The following MYO10 variants were observed in gnomAD, a reference collection of about 807,000 sequenced individuals.
The protein encoded by MYO10 is myosin X.
In MYO10, 133 loss-of-function variants were observed where a neutral mutation model predicts 257.3. The ratio of observed to expected loss-of-function variants is 0.52; its 90% CI spans 0.45 to 0.60. The LOEUF is 0.60. Ranked by LOEUF, MYO10 falls within the 20% of genes least tolerant of loss-of-function variation. The pLI is 0.00. For synonymous variants in MYO10, 1,104 were observed against 1,028.6 expected, an observed-to-expected ratio of 1.07 and a Z score of -1.40; for missense variants, 2,399 against 2,635.7, an observed-to-expected ratio of 0.91 and a Z score of 1.97.
At chr5:16,886,585 C>T (rs1012413792) in intron 1 of MYO10, among the ~76,000 whole-genome samples, 3 of 152,116 alleles carry the variant, frequency 2.0e-5, no homozygotes, top group Non-Finnish European at 4.4e-5. Flanking sequence ...TCAGCTACAT[C>T]ATCATCGTCA....
At chr5:16,919,911 G>C (rs984961900) in intron 1 of MYO10, among the ~76,000 whole-genome samples, 1 of 152,164 alleles carries the variant, frequency 6.6e-6, no homozygotes, top group Non-Finnish European at 1.5e-5. Flanking sequence ...AAGAGATCAA[G>C]ACCATCCTGG....
In MYO10 at chr5:16,689,887, C is replaced by T; in HGVS notation, c.3833G>A (p.Gly1278Glu). The change falls in exon 28 of 41, where the codon GGG becomes GAG. Residue 1278 changes from glycine (G) to glutamate (E), a missense_variant. Transcript: ENST00000513610. ...CCTATCGGCCATAATGATGTCGATCCCATTCTCCTTGGTGGTGTTATCTAT... is the reference window on the plus strand; with the variant it reads ...CCTATCGGCCATAATGATGTCGATCTCATTCTCCTTGGTGGTGTTATCTAT... ...EIIDNTTKENGIDIIMADRTF... is the reference protein window; with the variant it reads ...EIIDNTTKENEIDIIMADRTF... The T allele has an allele frequency of 2.5e-6, 4 of 1,613,536 alleles. No individual in the cohort carries two copies. Among genetic ancestry groups the T allele is most frequent in the Non-Finnish European group, 3.4e-6 (4 of 1,179,686 alleles).
chr5:16,813,230 G>C (rs1268387093), intron 3 of MYO10, among the ~76,000 whole-genome samples: 1 of 152,182 alleles, frequency 6.6e-6, no homozygotes, highest in African/African-American at 2.4e-5. Flanking sequence ...ACTCAAAGGA[G>C]AGTACCTGGC....
At chr5:16,763,628 T>C (rs754081640) in intron 13 of MYO10, 27 bp downstream of exon 13, 122 of 1,552,876 alleles carry the variant, frequency 7.9e-5, no homozygotes, top group Non-Finnish European at 1.0e-4. Context: ...AAAAAAAAAA[T>C]TGAAATGGAA....
At chr5:16,716,629 T>A (rs1218434705) in intron 19 of MYO10, among the ~76,000 whole-genome samples, 1 of 151,526 alleles carries the variant, frequency 6.6e-6, no homozygotes, top group Admixed American at 6.6e-5. Flanking sequence ...AGTTATAATG[T>A]TTTTCAGCAT....
At chr5:16,796,487 GAA>G (rs1212368261) in intron 3 of MYO10, among the ~76,000 whole-genome samples, 1 of 148,672 alleles carries the variant, frequency 6.7e-6, no homozygotes, top group Non-Finnish European at 1.5e-5. Flanking sequence ...AGAAAAGAAA[GAA>G]AGAAAGAAGG....
At chr5:16,666,933 A>AGCGGCTGCTTTGGTG in intron 40 of MYO10, 140 bp from the exon 41 acceptor site, 1 of 663,836 alleles carries the variant, frequency 1.5e-6, no homozygotes. Context: ...GCAGGAAGCC[A>AGCGGCTGCTTTGGTG]GAAGTTTAAC....
intron 1 of MYO10, among the ~76,000 whole-genome samples, chr5:16,904,169 C>T (rs911214528): frequency 2.0e-5 from 3 of 152,100 alleles, no homozygotes; most frequent in African/African-American, 4.8e-5. Context: ...AAGGACAGAG[C>T]TTCCGGACAG....
At chr5:16,927,559 C>T (rs1037188109) in intron 1 of MYO10, among the ~76,000 whole-genome samples, 4 of 152,078 alleles carry the variant, frequency 2.6e-5, no homozygotes, top group African/African-American at 9.7e-5. Context: ...CTCCTGACCT[C>T]GTGATCCTCC....
At position 16,701,346 on chromosome 5, in the gene MYO10, C is replaced by T; in HGVS notation, c.3049G>A (p.Asp1017Asn). 1 of 1,613,900 alleles carries T rather than the reference C, an allele frequency of 6.2e-7. No individual in the cohort carries two copies. Residue 1017 changes from aspartate (D) to asparagine (N), a missense_variant, in exon 25 of 41, where the codon GAC becomes AAC. By Grantham distance (23) the Asp-to-Asn change is conservative (BLOSUM62 1). Around this residue, in one of 3 missense-constraint regions of MYO10, gnomAD observed 1,820 missense variants for 1,939.4 expected, o/e 0.94. Coordinates refer to ENST00000513610, the MANE Select transcript of MYO10 (RefSeq NM_012334.3). This position sits in a 1 kb window ranked among gnomAD's most constrained non-coding sequence, Gnocchi z 8.1. ...GTCCGGATGCCACTTGTTCGCTGGTCTGAGTGGCCGTGCTCGCTGGGGTTG... is the reference window on the plus strand; with the variant it reads ...GTCCGGATGCCACTTGTTCGCTGGTTTGAGTGGCCGTGCTCGCTGGGGTTG... ...SPNPSEHGHS[D>N]QRTSGIRTSD...
intron 2 of MYO10, among the ~76,000 whole-genome samples, chr5:16,859,105 C>G (rs1744042405): frequency 6.6e-6 from 1 of 152,186 alleles, no homozygotes; most frequent in Non-Finnish European, 1.5e-5. Context: ...CCAAGGAGGG[C>G]AGGGGTACCC....
At chr5:16,795,596 A>G (rs1237748540) in intron 3 of MYO10, among the ~76,000 whole-genome samples, 2 of 152,044 alleles carry the variant, frequency 1.3e-5, no homozygotes, top group Non-Finnish European at 2.9e-5. Context: ...GTGAGATTCC[A>G]TCTCAAAAAA....
At chr5:16,787,622 A>C (rs1051878970) in intron 4 of MYO10, among the ~76,000 whole-genome samples, 38 of 142,488 alleles carry the variant, frequency 2.7e-4, no homozygotes, top group African/African-American at 1.1e-3. Flanking sequence ...AAAAAAAAAA[A>C]AAAAAAAAAA....
chr5:16,852,932 T>C (rs995986865), intron 2 of MYO10, among the ~76,000 whole-genome samples: 9 of 152,084 alleles, frequency 5.9e-5, no homozygotes, highest in African/African-American at 2.2e-4. Context: ...AATTGAAGAA[T>C]AACAACAGTA....
At chr5:16,854,301 G>A (rs1430818625) in intron 2 of MYO10, among the ~76,000 whole-genome samples, 1 of 151,884 alleles carries the variant, frequency 6.6e-6, no homozygotes, top group African/African-American at 2.4e-5. Context: ...TTTCTTCTTA[G>A]GTTTAAAAGA....
chr5:16,849,643 C>G (rs1372126713), intron 2 of MYO10, among the ~76,000 whole-genome samples: 1 of 152,076 alleles, frequency 6.6e-6, no homozygotes, highest in Admixed American at 6.5e-5. Flanking sequence ...AGTTAAACAT[C>G]GGGCCAAAGA....
intron 2 of MYO10, among the ~76,000 whole-genome samples, chr5:16,831,102 A>T (rs1293078175): frequency 1.3e-5 from 2 of 152,230 alleles, no homozygotes; most frequent in Non-Finnish European, 2.9e-5. Flanking sequence ...ACAAATGGCC[A>T]AGAAACATAT....
chr5:16,851,887 C>T (rs765113013), intron 2 of MYO10, among the ~76,000 whole-genome samples: 1 of 151,418 alleles, frequency 6.6e-6, no homozygotes, highest in Admixed American at 6.6e-5. Flanking sequence ...CCTGTCCGTA[C>T]TAAAAATACA....
intron 2 of MYO10, among the ~76,000 whole-genome samples, chr5:16,823,404 C>T (rs1227854720): frequency 8.8e-6 from 1 of 113,204 alleles, no homozygotes; most frequent in East Asian, 2.7e-4. Flanking sequence ...GAGATGGCAC[C>T]ACTGCACTCC....
Sources: gnomAD v4.1 joint callset for allele counts (sites outside exome capture counted in the v4.1 genomes callset) on GRCh38, gnomAD v4.1.1 for gene constraint, gnomAD v4.1.1 regional missense constraint, Gnocchi (gnomAD v3.1) non-coding constraint, MANE v1.5 for transcripts, NCBI Gene and HGNC (gene_info 2026-07-23, HGNC 2026-07-21) for gene names.